Variants in PIAS1 observed in about 807,000 individuals in gnomAD.
PIAS1 encodes the protein E3 SUMO-protein ligase PIAS1.
In PIAS1, 6 loss-of-function variants were observed where a neutral mutation model predicts 71.3. That is an observed-to-expected ratio of 0.08 (90% CI 0.05 to 0.17). PIAS1 has a LOEUF of 0.17. Among genes scored for constraint, PIAS1 ranks in the 10% least tolerant of loss-of-function variants. The pLI, the probability that PIAS1 is intolerant of heterozygous loss-of-function variation, is 1.00. For synonymous variants in PIAS1, 303 were observed against 292.9 expected (o/e 1.03, Z -0.35); for missense variants, 555 against 793.6 (o/e 0.70, Z 3.61).
chr15:68,153,013 C>T (rs940699013), intron 6 of PIAS1, among the ~76,000 whole-genome samples: 2 of 150,990 alleles, frequency 1.3e-5, no homozygotes, highest in Non-Finnish European at 2.9e-5. Flanking sequence ...GTTTGAAAAC[C>T]TTCTTTAATA....
chr15:68,155,778 GA>G (rs1443965986), intron 7 of PIAS1, among the ~76,000 whole-genome samples: 1 of 152,142 alleles, frequency 6.6e-6, no homozygotes, highest in African/African-American at 2.4e-5. Flanking sequence ...TCACAACTAT[GA>G]AAAACAGTCT....
chr15:68,160,198 A>G (rs2092915643), intron 7 of PIAS1, among the ~76,000 whole-genome samples: 1 of 152,174 alleles, frequency 6.6e-6, no homozygotes, highest in Non-Finnish European at 1.5e-5. Context: ...AATGAAAGTC[A>G]CAAACACTCT....
intron 2 of PIAS1, among the ~76,000 whole-genome samples, chr15:68,125,064 A>C (rs1296447295): frequency 6.6e-6 from 1 of 152,178 alleles, no homozygotes; most frequent in Non-Finnish European, 1.5e-5. Flanking sequence ...TATTATGACT[A>C]TGTAAACACT....
At chr15:68,118,320 CAAA>C (rs35273377) in intron 2 of PIAS1, among the ~76,000 whole-genome samples, 7 of 143,180 alleles carry the variant, frequency 4.9e-5, no homozygotes, top group South Asian at 2.2e-4. Flanking sequence ...GTGTCTGTCT[CAAA>C]AAAAAAAAAA....
Position 68,181,208 on chromosome 15 carries a change from C to A in PIAS1, c.1482-4C>A. The A allele has an allele frequency of 1.2e-6, 2 of 1,612,436 alleles. No homozygotes were observed. The highest frequency in any genetic ancestry group is 1.7e-6 in the Non-Finnish European group (2 of 1,179,052). On this transcript the variant is annotated splice_region_variant and splice_polypyrimidine_tract_variant and intron_variant, in intron 11 of 13. Transcript: ENST00000249636. ...AAAACTATGCCAATCTTTCCTTCTT[C>A]CAGCATTTTAAGTCTTCCACATCAA...
intron 2 of PIAS1, among the ~76,000 whole-genome samples, chr15:68,088,404 T>A (rs2092305619): frequency 6.6e-6 from 1 of 151,858 alleles, no homozygotes; most frequent in South Asian, 2.1e-4. Context: ...GGTGATTTTA[T>A]GAACATAAAT....
At chr15:68,063,938 T>C (rs2091988475) in intron 1 of PIAS1, among the ~76,000 whole-genome samples, 1 of 152,090 alleles carries the variant, frequency 6.6e-6, no homozygotes, top group South Asian at 2.1e-4. Context: ...TTAAACTTTA[T>C]GTCCTTGATG....
At chr15:68,075,717 T>C (rs1317883081) in intron 1 of PIAS1, among the ~76,000 whole-genome samples, 1 of 152,148 alleles carries the variant, frequency 6.6e-6, no homozygotes, top group East Asian at 1.9e-4. Flanking sequence ...GAATAACTTT[T>C]TGCTGTAACC....
At chr15:68,153,722 A>G (rs190342013) in intron 7 of PIAS1, 27 bp downstream of exon 7, 2 of 1,137,140 alleles carry the variant, frequency 1.8e-6, no homozygotes, top group Admixed American at 3.5e-5. Context: ...TATTTCACTT[A>G]TTCAGCTATT....
intron 1 of PIAS1, among the ~76,000 whole-genome samples, chr15:68,056,243 C>G (rs979488267): frequency 2.0e-5 from 3 of 152,182 alleles, no homozygotes; most frequent in African/African-American, 7.2e-5. Flanking sequence ...AGCTGAAAAG[C>G]ATGTGCAGAC....
At chr15:68,163,452 T>A (rs1189602194) in intron 7 of PIAS1, among the ~76,000 whole-genome samples, 1 of 152,194 alleles carries the variant, frequency 6.6e-6, no homozygotes, top group Non-Finnish European at 1.5e-5. Flanking sequence ...TAGAATCATA[T>A]CTGGAGCTTT....
intron 1 of PIAS1, among the ~76,000 whole-genome samples, chr15:68,064,154 G>A (rs1210145068): frequency 2.0e-5 from 3 of 152,108 alleles, no homozygotes; most frequent in African/African-American, 7.2e-5. Flanking sequence ...GGCTGGCAAA[G>A]TATGGTTATA....
Position 68,173,228 on chromosome 15 carries a change from G to A in PIAS1, c.1009-504G>A, listed in dbSNP as rs193198093. On this transcript the variant is annotated intron_variant, in intron 8 of 13. Coordinates refer to ENST00000249636, the MANE Select transcript of PIAS1 (RefSeq NM_016166.3). The surrounding 1 kb of genome is among the most constrained non-coding windows in gnomAD (Gnocchi z 4.3). ...AGAAAAGCCGGGCACAGTGGTGTGC[G>A]CCTGTATCCCCAGCTACTCTGGAGG... 2.0e-5 allele frequency among the ~76,000 whole-genome samples: 3 copies of A among 152,244 alleles called. No homozygotes were observed. Among genetic ancestry groups the A allele is most frequent in the East Asian group, 1.9e-4 (1 of 5,186 alleles).
intron 2 of PIAS1, among the ~76,000 whole-genome samples, chr15:68,134,672 A>C (rs1595753662): frequency 8.6e-5 from 2 of 23,198 alleles, no homozygotes; most frequent in Non-Finnish European, 1.7e-4. Flanking sequence ...CGGGGGGATG[A>C]CCCCCCCACC....
intron 2 of PIAS1, among the ~76,000 whole-genome samples, chr15:68,120,897 A>G (rs1282672754): frequency 6.6e-6 from 1 of 152,172 alleles, no homozygotes; most frequent in Admixed American, 6.5e-5. Context: ...CGGCCTCGCA[A>G]AGTGCTGGGA....
At chr15:68,055,598 G>C (rs531056532) in intron 1 of PIAS1, among the ~76,000 whole-genome samples, 20 of 152,142 alleles carry the variant, frequency 1.3e-4, no homozygotes, top group African/African-American at 4.8e-4. Flanking sequence ...GTATTATTTC[G>C]AGGCTCTGAA....
intron 2 of PIAS1, among the ~76,000 whole-genome samples, chr15:68,134,791 C>G (rs1595753885): frequency 2.3e-5 from 1 of 43,192 alleles, no homozygotes; most frequent in Non-Finnish European, 9.0e-5. Context: ...GTAGGGGCGG[C>G]TGGGCAGAGG....
chr15:68,091,174 G>GAAA (rs2092329743), intron 2 of PIAS1, among the ~76,000 whole-genome samples: 1 of 151,962 alleles, frequency 6.6e-6, no homozygotes, highest in Admixed American at 6.6e-5. Flanking sequence ...ACATAATTAT[G>GAAA]AAAATAAAAG....
intron 2 of PIAS1, among the ~76,000 whole-genome samples, chr15:68,093,103 A>C (rs1297498742): frequency 1.3e-5 from 2 of 152,220 alleles, no homozygotes; most frequent in Non-Finnish European, 2.9e-5. Context: ...TTTTATGAAG[A>C]TATTTGAGTA....
Sources: gnomAD v4.1 joint callset for allele counts (sites outside exome capture counted in the v4.1 genomes callset) on GRCh38, gnomAD v4.1.1 for gene constraint, Gnocchi (gnomAD v3.1) non-coding constraint, MANE v1.5 for transcripts, NCBI Gene and HGNC (gene_info 2026-07-23, HGNC 2026-07-21) for gene names.